Variants in PHACTR1 observed in about 807,000 individuals in gnomAD.
PHACTR1 encodes phosphatase and actin regulator 1.
Under a neutral mutation model 69.2 loss-of-function variants are expected in PHACTR1, and 16 were observed. The ratio of observed to expected loss-of-function variants is 0.23; its 90% CI spans 0.16 to 0.35. PHACTR1 has a LOEUF of 0.35. PHACTR1 is among the 10% of genes least tolerant of loss of function. PHACTR1 has a pLI of 1.00. For missense variants in PHACTR1, 510 were observed against 734.7 expected, an observed-to-expected ratio of 0.69 and a Z score of 3.54; for synonymous variants, 312 against 284.5, an observed-to-expected ratio of 1.10 and a Z score of -0.97.
At chr6:12,994,321 T>A (rs1797164618) in intron 4 of PHACTR1, among the ~76,000 whole-genome samples, 1 of 152,116 alleles carries the variant, frequency 6.6e-6, no homozygotes, top group African/African-American at 2.4e-5. Context: ...GAGGTGGGAT[T>A]TTTCCCCCCC....
rs553275333 is a variant in PHACTR1, at chr6:13,045,896, G to T, written c.251-7469G>T. Among the ~76,000 whole-genome samples, 6 of 152,336 alleles carry T rather than the reference G, an allele frequency of 3.9e-5. No homozygotes were observed. In the South Asian group the frequency reaches 1.2e-3, roughly 32 times the overall value. On this transcript the variant is annotated intron_variant, in intron 4 of 14. Coordinates refer to ENST00000332995, the MANE Select transcript of PHACTR1 (RefSeq NM_030948.6). Reference sequence around the variant, plus strand: ...GAAGCCAGAGACAAAGGAGGAAGTTGGCCAAGAGCCTGAGCAAATCTGCTG... The same window carrying T: ...GAAGCCAGAGACAAAGGAGGAAGTTTGCCAAGAGCCTGAGCAAATCTGCTG...
chr6:12,788,961 GAGAAGAAA>G (rs1439489135), intron 4 of PHACTR1, among the ~76,000 whole-genome samples: 3 of 152,326 alleles, frequency 2.0e-5, no homozygotes, highest in Admixed American at 6.5e-5. Context: ...AGAGTATTCG[GAGAAGAAA>G]GGAAGAAATC....
In PHACTR1 at chr6:13,225,805, G is replaced by T. The variant is rs188250458; in HGVS notation, c.987-2011G>T. Among the ~76,000 whole-genome samples the T allele has an allele frequency of 1.2e-4, 19 of 152,328 alleles. No homozygotes were observed. In the East Asian group the frequency reaches 3.3e-3, roughly 26 times the overall value. ...TAACCAAAAAGTGGAGAGAGGAAAA[G>T]ACAGGATTCAGGCAAAACATGAGCC... is the stretch of plus-strand genomic sequence containing the variant. On this transcript the variant is annotated intron_variant, in intron 8 of 14. Transcript: ENST00000332995.
intron 4 of PHACTR1, among the ~76,000 whole-genome samples, chr6:12,796,926 T>C (rs1773069682): frequency 6.6e-6 from 1 of 151,962 alleles, no homozygotes; most frequent in Non-Finnish European, 1.5e-5. Flanking sequence ...AGAAATGTGC[T>C]AACAAACTTG....
intron 4 of PHACTR1, among the ~76,000 whole-genome samples, chr6:12,970,941 A>T (rs1020864536): frequency 6.6e-6 from 1 of 152,246 alleles, no homozygotes; most frequent in Non-Finnish European, 1.5e-5. Context: ...CCAAAGGCTG[A>T]CCAAAAACAA....
chr6:13,177,333 C>T (rs1251542514), intron 6 of PHACTR1, among the ~76,000 whole-genome samples: 2 of 151,734 alleles, frequency 1.3e-5, no homozygotes, highest in Non-Finnish European at 2.9e-5. Context: ...GAGCAAGACA[C>T]TCTCTGTCTG....
intron 5 of PHACTR1, among the ~76,000 whole-genome samples, chr6:13,129,971 G>A (rs1461175822): frequency 6.6e-6 from 1 of 151,936 alleles, no homozygotes; most frequent in Non-Finnish European, 1.5e-5. Flanking sequence ...AACCACAATG[G>A]AATAAAGCTG....
chr6:12,857,377 C>T (rs898466731), intron 4 of PHACTR1, among the ~76,000 whole-genome samples: 2 of 151,122 alleles, frequency 1.3e-5, no homozygotes, highest in Non-Finnish European at 1.5e-5. Context: ...TGTGGGAGGC[C>T]GAGGCCAGAG....
intron 4 of PHACTR1, among the ~76,000 whole-genome samples, chr6:12,955,720 A>G (rs1791815122): frequency 6.6e-6 from 1 of 152,218 alleles, no homozygotes; most frequent in African/African-American, 2.4e-5. Flanking sequence ...TATTTACTAC[A>G]CCTGGAGGGA....
chr6:13,192,837 G>T (rs759948898), intron 7 of PHACTR1, among the ~76,000 whole-genome samples: 12 of 152,200 alleles, frequency 7.9e-5, no homozygotes, highest in Non-Finnish European at 1.0e-4. Context: ...GTGAGGGAGA[G>T]AAGCCCTGTT....
At chr6:13,284,169 T>A (rs751901840) in intron 13 of PHACTR1, among the ~76,000 whole-genome samples, 1 of 152,130 alleles carries the variant, frequency 6.6e-6, no homozygotes, top group Non-Finnish European at 1.5e-5. Context: ...GGTAATCCTC[T>A]CTGATTCTAG....
intron 4 of PHACTR1, among the ~76,000 whole-genome samples, chr6:12,940,635 G>A (rs1194375718): frequency 6.6e-6 from 1 of 152,196 alleles, no homozygotes; most frequent in African/African-American, 2.4e-5. Flanking sequence ...TCGCCTCTGT[G>A]TGTCATGTCC....
intron 4 of PHACTR1, among the ~76,000 whole-genome samples, chr6:12,945,859 G>A (rs1258761245): frequency 6.6e-6 from 1 of 152,016 alleles, no homozygotes. Context: ...AGCTACTCAG[G>A]AGGTTGAGGC....
Position 12,981,121 on chromosome 6 carries a change from A to G in PHACTR1, c.251-72244A>G, listed in dbSNP as rs530513444. Among the ~76,000 whole-genome samples the G allele has an allele frequency of 1.2e-3, 184 of 152,344 alleles. 1 individual carries two copies. Among genetic ancestry groups the G allele is most frequent in the Non-Finnish European group, 2.1e-3 (145 of 68,032 alleles). On this transcript the variant is annotated intron_variant, in intron 4 of 14. Transcript: ENST00000332995. ...ATTCCTGCAACATTGCATTTAATCTATCTTCTTGCATGAGTGCTGCATTTA... is the reference window on the plus strand; with the variant it reads ...ATTCCTGCAACATTGCATTTAATCTGTCTTCTTGCATGAGTGCTGCATTTA...
At chr6:12,889,128 GC>G (rs915646305) in intron 4 of PHACTR1, among the ~76,000 whole-genome samples, 3 of 152,172 alleles carry the variant, frequency 2.0e-5, no homozygotes, top group Admixed American at 6.5e-5. Flanking sequence ...AAAATAATTA[GC>G]CAGGCATGGT....
chr6:13,242,757 C>G (rs758748332), intron 10 of PHACTR1, among the ~76,000 whole-genome samples: 1 of 152,150 alleles, frequency 6.6e-6, no homozygotes, highest in Non-Finnish European at 1.5e-5. Context: ...ACTTTGAGCT[C>G]GAGTGAGTTT....
chr6:13,176,543 T>C (rs1436863048), intron 6 of PHACTR1, among the ~76,000 whole-genome samples: 1 of 152,202 alleles, frequency 6.6e-6, no homozygotes, highest in African/African-American at 2.4e-5. Flanking sequence ...TATGTTTCCA[T>C]TGTGCTGCTT....
At chr6:13,214,789 G>A (rs542255351) in intron 8 of PHACTR1, among the ~76,000 whole-genome samples, 1 of 152,240 alleles carries the variant, frequency 6.6e-6, no homozygotes, top group African/African-American at 2.4e-5. Context: ...ATATGAATGA[G>A]TTTTTGTTAC....
chr6:13,244,380 C>T (rs942974175), intron 10 of PHACTR1, among the ~76,000 whole-genome samples: 3 of 152,174 alleles, frequency 2.0e-5, no homozygotes, highest in African/African-American at 7.2e-5. Context: ...GATAAAACAT[C>T]TTATCAGGAG....
Sources: allele counts gnomAD v4.1 joint callset (sites outside exome capture counted in the v4.1 genomes callset), GRCh38; gene constraint gnomAD v4.1.1; transcripts MANE v1.5; gene names NCBI Gene and HGNC (gene_info 2026-07-23, HGNC 2026-07-21).